The following GRAMD4 variants were observed in gnomAD, a reference collection of about 807,000 sequenced individuals.
GRAMD4 encodes GRAM domain containing 4.
A neutral mutation model predicts 83.9 loss-of-function variants in GRAMD4; 25 were observed. That is an observed-to-expected ratio of 0.30 (90% CI 0.22 to 0.42). The LOEUF (loss-of-function observed/expected upper bound fraction) is 0.42, where lower values mean the gene tolerates loss of function less well. Among genes scored for constraint, GRAMD4 ranks in the 10% least tolerant of loss-of-function variants. The pLI is 1.00. For missense variants in GRAMD4, 593 were observed against 788.7 expected (o/e 0.75, Z 2.97); for synonymous variants, 336 against 320.9 (o/e 1.05, Z -0.50).
At chr22:46,613,247 C>T (rs934279529) in intron 1 of GRAMD4, among the ~76,000 whole-genome samples, 1 of 152,120 alleles carries the variant, frequency 6.6e-6, no homozygotes, top group African/African-American at 2.4e-5. Context: ...GAGCAGGGGC[C>T]CCTGTCCGAG....
At chr22:46,676,449 G>GGC (rs1374789276) in intron 17 of GRAMD4, 151 bp from the exon 18 acceptor site, 4 of 652,280 alleles carry the variant, frequency 6.1e-6, no homozygotes, top group African/African-American at 5.4e-5. Context: ...GGTGTCCACA[G>GGC]GCCCTTACCT....
At chr22:46,643,155 C>CCATGCATGCATG (rs2082007431) in intron 3 of GRAMD4, among the ~76,000 whole-genome samples, 3 of 14,178 alleles carry the variant, frequency 2.1e-4, no homozygotes, top group Non-Finnish European at 5.0e-4. Flanking sequence ...ATCCATCCAT[C>CCATGCATGCATG]CATCCATCCA....
At chr22:46,648,384 G>A (rs2082102744) in intron 3 of GRAMD4, among the ~76,000 whole-genome samples, 1 of 151,478 alleles carries the variant, frequency 6.6e-6, no homozygotes. Context: ...ATGGATAGAT[G>A]GGTGGGTGAA....
At chr22:46,668,666 A>G in intron 11 of GRAMD4, 23 bp from the exon 12 acceptor site, 1 of 1,609,896 alleles carries the variant, frequency 6.2e-7, no homozygotes. Context: ...GGCTGTTGTA[A>G]TTGCTGTTTC....
chr22:46,605,168 A>G (rs2081353204), intron 1 of GRAMD4, among the ~76,000 whole-genome samples: 1 of 151,604 alleles, frequency 6.6e-6, no homozygotes, highest in Non-Finnish European at 1.5e-5. Context: ...TCTTGGTGCC[A>G]TAATGTTCTC....
At chr22:46,579,898 A>G (rs978090452) in intron 1 of GRAMD4, among the ~76,000 whole-genome samples, 5 of 151,982 alleles carry the variant, frequency 3.3e-5, no homozygotes, top group African/African-American at 4.8e-5. Flanking sequence ...CCTAGTGGCC[A>G]TGGTGGGGAC....
At chr22:46,619,487 T>C (rs1003206057), upstream of GRAMD4, among the ~76,000 whole-genome samples, 2 of 152,198 alleles carry the variant, frequency 1.3e-5, no homozygotes, top group Non-Finnish European at 2.9e-5. Flanking sequence ...TGTAGGCACG[T>C]ACCACCACGC....
intron 2 of GRAMD4, among the ~76,000 whole-genome samples, chr22:46,631,486 G>A (rs1248892189): frequency 3.6e-5 from 3 of 82,922 alleles, no homozygotes; most frequent in South Asian, 5.5e-4. Context: ...GTGTCCTTTC[G>A]TCTCCTGGGG....
intron 1 of GRAMD4, among the ~76,000 whole-genome samples, chr22:46,599,521 T>G (rs1267862805): frequency 6.6e-6 from 1 of 152,000 alleles, no homozygotes; most frequent in African/African-American, 2.4e-5. Flanking sequence ...GAGATGGAGT[T>G]TCACCCTCTT....
intron 11 of GRAMD4, 59 bp from the exon 12 acceptor site, chr22:46,668,630 G>A (rs1013462154): frequency 2.1e-5 from 31 of 1,510,638 alleles, no homozygotes; most frequent in African/African-American, 1.8e-4. Flanking sequence ...CTGGCGTCGC[G>A]GTGTGACTGA....
intron 13 of GRAMD4, among the ~76,000 whole-genome samples, chr22:46,670,898 C>T (rs148109295): frequency 4.2e-4 from 63 of 149,552 alleles, no homozygotes; most frequent in African/African-American, 1.1e-3. Flanking sequence ...CCACTGCGCC[C>T]GGCCCCTGCT....
chr22:46,588,992 G>C (rs1011512336), intron 1 of GRAMD4, among the ~76,000 whole-genome samples: 1 of 152,182 alleles, frequency 6.6e-6, no homozygotes, highest in African/African-American at 2.4e-5. Flanking sequence ...GCCCGTGGCA[G>C]TGCAACCACA....
At chr22:46,596,019 A>G (rs2081258789) in intron 1 of GRAMD4, among the ~76,000 whole-genome samples, 1 of 152,222 alleles carries the variant, frequency 6.6e-6, no homozygotes, top group Non-Finnish European at 1.5e-5. Context: ...TCCGTGCTGG[A>G]AGCGTTGCTT....
At chr22:46,643,084 T>TCCATCC (rs2081999322) in intron 3 of GRAMD4, among the ~76,000 whole-genome samples, 1 of 76,326 alleles carries the variant, frequency 1.3e-5, no homozygotes, top group Non-Finnish European at 2.4e-5. Flanking sequence ...TCTATCCATT[T>TCCATCC]ATCCATCCAT....
intron 3 of GRAMD4, among the ~76,000 whole-genome samples, chr22:46,639,042 G>A (rs2081933471): frequency 6.6e-6 from 1 of 152,250 alleles, no homozygotes; most frequent in African/African-American, 2.4e-5. Flanking sequence ...ACAGGCCAGA[G>A]CGTGATAGTG....
intron 1 of GRAMD4, among the ~76,000 whole-genome samples, chr22:46,598,793 CGG>C (rs2081285735): frequency 6.6e-6 from 1 of 152,026 alleles, no homozygotes; most frequent in Non-Finnish European, 1.5e-5. Context: ...TGCGGGCCAG[CGG>C]GGAAGGATGG....
chr22:46,626,649 G>T (rs1396102847), intron 1 of GRAMD4, 102 bp from the exon 2 acceptor site: 5 of 700,216 alleles, frequency 7.1e-6, no homozygotes, highest in African/African-American at 2.0e-5. Context: ...CTGGGTCGGG[G>T]TTTTCTTTGG....
chr22:46,666,953 G>T, intron 10 of GRAMD4, 80 bp downstream of exon 10: 1 of 1,043,966 alleles, frequency 9.6e-7, no homozygotes, highest in Non-Finnish European at 1.4e-6. Context: ...ACCGCTCGGG[G>T]AAGCCTCTGG....
At chr22:46,577,145 C>T (rs2081049493) in exon 1 of GRAMD4, 8 of 295,142 alleles carry the variant, frequency 2.7e-5, no homozygotes, top group Non-Finnish European at 3.5e-5. Flanking sequence ...CCTCCGCGCT[C>T]GTGGCCGGGA....
Sources: gnomAD v4.1 joint callset for allele counts (sites outside exome capture counted in the v4.1 genomes callset) on GRCh38, gnomAD v4.1.1 for gene constraint, MANE v1.5 for transcripts, NCBI Gene and HGNC (gene_info 2026-07-23, HGNC 2026-07-21) for gene names.